MAPKBP1: variants seen among roughly 807,000 people sequenced by gnomAD.
MAPKBP1 encodes the protein mitogen-activated protein kinase binding protein 1.
In MAPKBP1, 71 loss-of-function variants were observed where a neutral mutation model predicts 170.5. That is an observed-to-expected ratio of 0.42 (90% CI 0.34 to 0.51). The LOEUF is 0.51. MAPKBP1 is among the 20% of genes least tolerant of loss of function. MAPKBP1 has a pLI of 0.06. For synonymous variants in MAPKBP1, 719 were observed against 757.9 expected, an observed-to-expected ratio of 0.95 and a Z score of 0.84; for missense variants, 1,598 against 1,933.0, an observed-to-expected ratio of 0.83 and a Z score of 3.25.
At position 41,816,969 on chromosome 15, in the gene MAPKBP1, C is replaced by G; in HGVS notation, c.1645C>G (p.Arg549Gly). Residue 549 changes from arginine (R) to glycine (G), a missense_variant, in exon 14 of 31, where the codon CGG (arginine) becomes GGG (glycine). By Grantham distance (125) the Arg-to-Gly change is moderately radical. Around this residue, in one of 6 missense-constraint regions of MAPKBP1, gnomAD observed 430 missense variants for 617.2 expected, o/e 0.70. Coordinates refer to ENST00000457542, the MANE Select transcript of MAPKBP1 (RefSeq NM_014994.3). ...DRLIHVLDAG[R>G]EYSLQQTLDE... ...GCTGATCCATGTGCTGGATGCCGGG[C>G]GGGAGTACAGCCTACAGCAGACGCT... The G allele has an allele frequency of 1.9e-6, 3 of 1,612,698 alleles. No individual in the cohort carries two copies. Among genetic ancestry groups the G allele is most frequent in the Non-Finnish European group, 2.5e-6 (3 of 1,179,098 alleles).
At chr15:41,777,960 C>A (rs2064124883) in intron 2 of MAPKBP1, among the ~76,000 whole-genome samples, 1 of 152,196 alleles carries the variant, frequency 6.6e-6, no homozygotes, top group Non-Finnish European at 1.5e-5. Context: ...TCTAAAGTAG[C>A]CTTCTCCTTT....
In MAPKBP1 at chr15:41,777,766, G is replaced by A. The variant is rs189337865; in HGVS notation, c.114+2377G>A. 3.3e-5 allele frequency among the ~76,000 whole-genome samples: 5 copies of A among 152,290 alleles called. No individual in the cohort carries two copies. The East Asian group carries it at 9.6e-4, about 29-fold the overall frequency. On this transcript the variant is annotated intron_variant, in intron 2 of 30. Transcript: ENST00000457542. ...TAAGCTCTGTGAGTTGCTCTAACATGTGGTGGCTGTGAGTAATCATGATAA... is the reference window on the plus strand; with the variant it reads ...TAAGCTCTGTGAGTTGCTCTAACATATGGTGGCTGTGAGTAATCATGATAA...
Position 41,826,870 on chromosome 15 carries a change from A to T in MAPKBP1, c.*1434A>T, listed in dbSNP as rs1211746908. ...GGACCATGTCGTGAGGCAGTTGAAG[A>T]GTTGAGGAAAGGTTTTTCTGGGCCC... On this transcript the variant is annotated 3_prime_UTR_variant, in exon 31 of 31. Coordinates refer to ENST00000457542, the MANE Select transcript of MAPKBP1 (RefSeq NM_014994.3). The T allele has an allele frequency of 6.6e-6, 1 of 152,142 alleles. No individual in the cohort carries two copies. Among genetic ancestry groups the T allele is most frequent in the Non-Finnish European group, 1.5e-5 (1 of 68,064 alleles). 9.4% of individuals were successfully genotyped at this position (152,142 alleles called of 1,614,324 possible). A position where few individuals can be genotyped will look rare whatever the true frequency, so the allele number is the denominator to read the frequency against.
chr15:41,782,066 G>C lies in MAPKBP1; in HGVS notation c.114+6677G>C, dbSNP rs559802790. ...GATCGAGACCATCCTGGCTAACACG[G>C]TGAAACCCTGTCTCTACTAAAAATA... is the stretch of plus-strand genomic sequence containing the variant. On this transcript the variant is annotated intron_variant, in intron 2 of 30. Coordinates refer to ENST00000457542, the MANE Select transcript of MAPKBP1 (RefSeq NM_014994.3). Among the ~76,000 whole-genome samples the C allele has an allele frequency of 3.2e-3, 480 of 147,852 alleles. 3 individuals carry two copies. The highest frequency in any genetic ancestry group is 6.1e-3 in the Admixed American group (90 of 14,806).
At chr15:41,819,547 C>CGGT (rs1555454018) in intron 21 of MAPKBP1, 48 bp from the exon 22 acceptor site, 1 of 1,228,204 alleles carries the variant, frequency 8.1e-7, no homozygotes, top group Non-Finnish European at 1.1e-6. Flanking sequence ...GGTTGGGTGG[C>CGGT]GGGGGGGGGG....
intron 2 of MAPKBP1, among the ~76,000 whole-genome samples, chr15:41,778,369 G>T (rs561115422): frequency 6.6e-6 from 1 of 152,206 alleles, no homozygotes; most frequent in Non-Finnish European, 1.5e-5. Flanking sequence ...AGAAGTCCAC[G>T]TATGCAGAAA....
At chr15:41,794,286 C>T (rs538550318) in intron 2 of MAPKBP1, among the ~76,000 whole-genome samples, 1 of 152,306 alleles carries the variant, frequency 6.6e-6, no homozygotes, top group South Asian at 2.1e-4. Context: ...TTTCCCTCCA[C>T]ATTGCCAGAT....
chr15:41,816,344 T>G lies in MAPKBP1; in HGVS notation c.1494-215T>G, dbSNP rs2064890460. 7.2e-6 allele frequency: 4 copies of G among 555,460 alleles called. No homozygotes were observed. In the African/African-American group the frequency reaches 7.5e-5, roughly 10 times the overall value. 34.4% of individuals were successfully genotyped at this position (555,460 alleles called of 1,614,324 possible). A position where few individuals can be genotyped will look rare whatever the true frequency, so the allele number is the denominator to read the frequency against. ...TAGTATTATACCAACATAAATTTCC[T>G]AGTTTTGATAATTGCACTATCGTTA... On this transcript the variant is annotated intron_variant, in intron 12 of 30. Transcript: ENST00000457542.
chr15:41,798,439 T>A lies in MAPKBP1; in HGVS notation c.115-1384T>A, dbSNP rs184205546. On this transcript the variant is annotated intron_variant, in intron 2 of 30. Coordinates refer to ENST00000457542, the MANE Select transcript of MAPKBP1 (RefSeq NM_014994.3). ...CTGGGATTACAGGCACCAACCACCA[T>A]GCCTGGCTAATTTTTGTATTTTTAG... Among the ~76,000 whole-genome samples, 582 of 151,528 alleles carry A rather than the reference T, an allele frequency of 3.8e-3. 2 individuals carry two copies. The highest frequency in any genetic ancestry group is 0.013 in the African/African-American group (556 of 41,374).
chr15:41,804,399 C>G (rs886142073), intron 3 of MAPKBP1, among the ~76,000 whole-genome samples: 3 of 152,242 alleles, frequency 2.0e-5, no homozygotes, highest in African/African-American at 7.2e-5. Context: ...ATGGAAAGAC[C>G]TCTCTACTGG....
chr15:41,812,169 C>G (rs2064818293), intron 6 of MAPKBP1, 42 bp downstream of exon 6: 1 of 1,610,132 alleles, frequency 6.2e-7, no homozygotes, highest in South Asian at 1.1e-5. Flanking sequence ...TCACAGGGGT[C>G]AAGTGTCAGC....
At chr15:41,791,554 C>T (rs948081197) in intron 2 of MAPKBP1, among the ~76,000 whole-genome samples, 6 of 152,230 alleles carry the variant, frequency 3.9e-5, no homozygotes, top group Admixed American at 2.6e-4. Context: ...CTGATCAGAT[C>T]CAGGGACTTG....
chr15:41,812,814 A>C lies in MAPKBP1; in HGVS notation c.637-105A>C. The C allele has an allele frequency of 4.8e-6, 7 of 1,460,554 alleles. No individual in the cohort carries two copies. In the South Asian group the frequency reaches 9.6e-5, roughly 20 times the overall value. 90.5% of individuals were successfully genotyped at this position (1,460,554 alleles called of 1,614,324 possible). A position where few individuals can be genotyped will look rare whatever the true frequency, so the allele number is the denominator to read the frequency against. On this transcript the variant is annotated intron_variant, in intron 7 of 30. Coordinates refer to ENST00000457542, the MANE Select transcript of MAPKBP1 (RefSeq NM_014994.3). ...CTGTCTGGGCTGAGGAGTAGGCCCA[A>C]AGAGCAAGGAGGTGCTGGAGGCGTC... is the stretch of plus-strand genomic sequence containing the variant.
Position 41,823,230 on chromosome 15 carries a change from G to A in MAPKBP1, c.3598+8G>A. ...ACAGTCTGGTGCCACAGGGTGAGAA[G>A]CCTGATGGGTTCAGTGCCAGGGTGC... On this transcript the variant is annotated splice_region_variant and intron_variant, in intron 28 of 30. Coordinates refer to ENST00000457542, the MANE Select transcript of MAPKBP1 (RefSeq NM_014994.3). The A allele has an allele frequency of 6.2e-7, 1 of 1,610,820 alleles. No individual in the cohort carries two copies. Among genetic ancestry groups the A allele is most frequent in the Non-Finnish European group, 8.5e-7 (1 of 1,178,406 alleles).
At chr15:41,804,677 C>T (rs778397106) in intron 3 of MAPKBP1, among the ~76,000 whole-genome samples, 3 of 152,174 alleles carry the variant, frequency 2.0e-5, no homozygotes, top group Non-Finnish European at 4.4e-5. Context: ...AGGTCTCAGC[C>T]CAGTGCATGT....
intron 2 of MAPKBP1, among the ~76,000 whole-genome samples, chr15:41,788,876 G>C (rs2064345424): frequency 6.6e-6 from 1 of 152,228 alleles, no homozygotes; most frequent in African/African-American, 2.4e-5. Context: ...TGGGTTGGAG[G>C]AGGGGAGGAA....
chr15:41,786,777 A>AAAAAAAAAATAT, intron 2 of MAPKBP1, among the ~76,000 whole-genome samples: 2 of 32,452 alleles, frequency 6.2e-5, no homozygotes, highest in African/African-American at 1.3e-4. Context: ...AAAAAAAAAA[A>AAAAAAAAAATAT]ATATATATAT....
At position 41,822,636 on chromosome 15, in the gene MAPKBP1, C is replaced by A. The variant is rs1213450807; in HGVS notation, c.3273C>A (p.Ile1091=). 1 of 1,614,082 alleles carries A rather than the reference C, an allele frequency of 6.2e-7. No homozygotes were observed. The highest frequency in any genetic ancestry group is 2.2e-5 in the East Asian group (1 of 44,874). Residue 1091 remains isoleucine, a synonymous_variant, in exon 27 of 31, where the codon ATC becomes ATA. Transcript: ENST00000457542. ...QVPERSESRS[I]SSRFLLQVQT... ...CAGAGAGGTCAGAGTCTCGGAGTAT[C>A]TCTTCACGATTCCTGTTGCAAGTAC...
chr15:41,819,544 TG>T (rs200421549), intron 21 of MAPKBP1, 50 bp from the exon 22 acceptor site: 2 of 912,602 alleles, frequency 2.2e-6, no homozygotes, highest in Non-Finnish European at 3.0e-6. Context: ...CAGGGTTGGG[TG>T]GCGGGGGGGG....
Sources: allele counts gnomAD v4.1 joint callset (sites outside exome capture counted in the v4.1 genomes callset), GRCh38; gene constraint gnomAD v4.1.1; regional missense constraint gnomAD v4.1.1; transcripts MANE v1.5; gene names NCBI Gene and HGNC (gene_info 2026-07-23, HGNC 2026-07-21).